ARSJ: variants seen among roughly 807,000 people sequenced by gnomAD.
ARSJ encodes arylsulfatase J.
ARSJ carries 26 observed loss-of-function variants against 35.9 expected under a neutral mutation model. The observed-to-expected ratio is 0.72, with a 90% confidence interval of 0.53 to 1.00. The LOEUF is 1.00. Among genes scored for constraint, ARSJ ranks in the 50% least tolerant of loss-of-function variants. ARSJ has a pLI of 0.00. For synonymous variants in ARSJ, 294 were observed against 267.6 expected, an observed-to-expected ratio of 1.10 and a Z score of -0.96; for missense variants, 667 against 723.6, an observed-to-expected ratio of 0.92 and a Z score of 0.90.
chr4:113,903,113 T>C lies in ARSJ; in HGVS notation c.961A>G (p.Ile321Val). ...LKTYGFYNNS[I>V]IIYSSDNGGQ... ...CCATTATCTGAAGAGTAAATGATAA[T>C]GCTGTTGTTATAGAAACCATAAGTC... Residue 321 changes from isoleucine (I) to valine (V), a missense_variant, in exon 2 of 2, where the codon ATT becomes GTT. Transcript: ENST00000315366. The C allele has an allele frequency of 1.2e-6, 2 of 1,614,228 alleles. No homozygotes were observed. The highest frequency in any genetic ancestry group is 1.7e-6 in the Non-Finnish European group (2 of 1,180,028).
intron 1 of ARSJ, among the ~76,000 whole-genome samples, chr4:113,939,936 T>A (rs187289208): frequency 0.014 from 2,173 of 152,084 alleles, 56 homozygotes; most frequent in African/African-American, 0.048. Flanking sequence ...TTAGATCCCA[T>A]TTGTCAATTT....
Position 113,901,600 on chromosome 4 carries a change from G to A in ARSJ, c.*674C>T, listed in dbSNP as rs907327407. 3 of 152,528 alleles carry A rather than the reference G, an allele frequency of 2.0e-5. No homozygotes were observed. Among genetic ancestry groups the A allele is most frequent in the African/African-American group, 2.4e-5 (1 of 41,424 alleles). 9.4% of individuals were successfully genotyped at this position (152,528 alleles called of 1,614,324 possible). On this transcript the variant is annotated 3_prime_UTR_variant, in exon 2 of 2. Coordinates refer to ENST00000315366, the MANE Select transcript of ARSJ (RefSeq NM_024590.4). ...TGTTTAGAAAATAGTTACATTCATT[G>A]TGGGCAGTGTGCTCAAACATTCTTA...
chr4:113,938,091 G>A (rs1397906461), intron 1 of ARSJ, among the ~76,000 whole-genome samples: 1 of 151,990 alleles, frequency 6.6e-6, no homozygotes, highest in Admixed American at 6.6e-5. Context: ...ATAATCCTAA[G>A]TAAAAAGAAT....
chr4:113,974,334 C>A (rs74591136), intron 1 of ARSJ, among the ~76,000 whole-genome samples: 16,074 of 151,686 alleles, frequency 0.11, 1,074 homozygotes, highest in East Asian at 0.22. Context: ...ACCAAACACA[C>A]CAAAACCACT....
intron 1 of ARSJ, among the ~76,000 whole-genome samples, chr4:113,937,104 G>T: frequency 6.6e-6 from 1 of 152,064 alleles, no homozygotes; most frequent in African/African-American, 2.4e-5. Flanking sequence ...CACTGATTAT[G>T]AATATATTCT....
chr4:113,949,325 T>C (rs1725707733), intron 1 of ARSJ, among the ~76,000 whole-genome samples: 1 of 152,026 alleles, frequency 6.6e-6, no homozygotes, highest in Non-Finnish European at 1.5e-5. Flanking sequence ...ATCCCAGAAC[T>C]TAAAGTATAA....
chr4:113,928,063 G>T (rs1724190904), intron 1 of ARSJ, among the ~76,000 whole-genome samples: 1 of 152,082 alleles, frequency 6.6e-6, no homozygotes, highest in Non-Finnish European at 1.5e-5. Flanking sequence ...GGGACACATT[G>T]GACCCTCTGT....
chr4:113,963,514 T>A (rs1314811771), intron 1 of ARSJ, among the ~76,000 whole-genome samples: 1 of 151,956 alleles, frequency 6.6e-6, no homozygotes, highest in African/African-American at 2.4e-5. Flanking sequence ...AACAGCAGCA[T>A]GGGGGTAACG....
At chr4:113,954,289 CTTAATAATGT>C (rs1726035970) in intron 1 of ARSJ, among the ~76,000 whole-genome samples, 1 of 151,980 alleles carries the variant, frequency 6.6e-6, no homozygotes, top group Non-Finnish European at 1.5e-5. Context: ...CTTCCTTAAA[CTTAATAATGT>C]TTTCTTAGCA....
chr4:113,959,259 T>C (rs1408829694), intron 1 of ARSJ, among the ~76,000 whole-genome samples: 1 of 152,006 alleles, frequency 6.6e-6, no homozygotes, highest in Non-Finnish European at 1.5e-5. Context: ...TTACCCTCAG[T>C]TCAGTGTTCT....
At chr4:113,927,256 G>A (rs1316211706) in intron 1 of ARSJ, among the ~76,000 whole-genome samples, 1 of 152,060 alleles carries the variant, frequency 6.6e-6, no homozygotes. Context: ...CACTCCACTG[G>A]AGCCCACACC....
At chr4:113,913,496 TAA>T (rs1723078517) in intron 1 of ARSJ, among the ~76,000 whole-genome samples, 2 of 152,168 alleles carry the variant, frequency 1.3e-5, no homozygotes, top group African/African-American at 4.8e-5. Context: ...ATTTAATATA[TAA>T]GTTACAAACT....
In ARSJ at chr4:113,902,612, A is replaced by G. The variant is rs201160058; in HGVS notation, c.1462T>C (p.Ser488Pro). The change falls in exon 2 of 2, where the codon TCA becomes CCA. Residue 488 changes from serine (S) to proline (P), a missense_variant. Transcript: ENST00000315366. ...AAAAGCCATACACTTTTGCCAGTTG[A>G]CAAGGTGATCCGTTCATTGTGCCAC... ...NRWHNERITLSTGKSVWLFNI... is the reference protein window; with the variant it reads ...NRWHNERITLPTGKSVWLFNI... 221 of 1,614,136 alleles carry G rather than the reference A, an allele frequency of 1.4e-4. 2 individuals are homozygous for G. In the South Asian group the frequency reaches 1.7e-3, roughly 13 times the overall value.
chr4:113,902,466 G>T lies in ARSJ; in HGVS notation c.1608C>A (p.Pro536=). The change falls in exon 2 of 2, where the codon CCC becomes CCA. Residue 536 remains proline (P), a synonymous_variant. Coordinates refer to ENST00000315366, the MANE Select transcript of ARSJ (RefSeq NM_024590.4). ...TAGGGTTACTTCTGGGGTCTTTGGG[G>T]GGATACCTGACCGGCACTGCAGTTT... ...FNKTAVPVRY[P]PKDPRSNPRL... 6.2e-7 allele frequency: 1 copy of T among 1,614,058 alleles called. No homozygotes were observed. Among genetic ancestry groups the T allele is most frequent in the Non-Finnish European group, 8.5e-7 (1 of 1,179,996 alleles).
chr4:113,925,563 T>G (rs1724002015), intron 1 of ARSJ, among the ~76,000 whole-genome samples: 1 of 152,120 alleles, frequency 6.6e-6, no homozygotes, highest in Admixed American at 6.5e-5. Context: ...TCAATCCAAC[T>G]GTTTCAGGAT....
rs1231966748 is a variant in ARSJ at position 113,900,350 on chromosome 4, T to C, written c.*1924A>G. Reference sequence around the variant, plus strand: ...GATACTGTCGACAAAACACAAACTTTAGGAAATACAACTTTACACTATAAA... The same window carrying C: ...GATACTGTCGACAAAACACAAACTTCAGGAAATACAACTTTACACTATAAA... On this transcript the variant is annotated 3_prime_UTR_variant, in exon 2 of 2. Coordinates refer to ENST00000315366, the MANE Select transcript of ARSJ (RefSeq NM_024590.4). 2 of 152,176 alleles carry C rather than the reference T, an allele frequency of 1.3e-5. No individual in the cohort carries two copies. Among genetic ancestry groups the C allele is most frequent in the African/African-American group, 4.8e-5 (2 of 41,432 alleles). 9.4% of individuals were successfully genotyped at this position (152,176 alleles called of 1,614,324 possible).
intron 1 of ARSJ, among the ~76,000 whole-genome samples, chr4:113,920,215 C>T (rs778319400): frequency 1.3e-5 from 2 of 152,122 alleles, no homozygotes; most frequent in Non-Finnish European, 2.9e-5. Context: ...AGGATAAAAA[C>T]GTTTCCACAG....
chr4:113,938,154 T>C (rs1724889335), intron 1 of ARSJ, among the ~76,000 whole-genome samples: 1 of 152,098 alleles, frequency 6.6e-6, no homozygotes, highest in African/African-American at 2.4e-5. Flanking sequence ...GAGGATACAG[T>C]AACCAAAACG....
chr4:113,974,997 T>C (rs947711875), intron 1 of ARSJ, among the ~76,000 whole-genome samples: 1 of 152,112 alleles, frequency 6.6e-6, no homozygotes, highest in Non-Finnish European at 1.5e-5. Context: ...ATAGTGAGTA[T>C]GTACAGGCAA....
Sources: gnomAD v4.1 joint callset for allele counts (sites outside exome capture counted in the v4.1 genomes callset) on GRCh38, gnomAD v4.1.1 for gene constraint, MANE v1.5 for transcripts, NCBI Gene and HGNC (gene_info 2026-07-23, HGNC 2026-07-21) for gene names.